Variants in UXS1 observed in about 807,000 individuals in gnomAD.
UXS1 encodes the protein UDP-glucuronate decarboxylase 1.
Under a neutral mutation model 62.6 loss-of-function variants are expected in UXS1, and 33 were observed. The ratio of observed to expected loss-of-function variants is 0.53; its 90% CI spans 0.40 to 0.70. The LOEUF is 0.70. Ranked by LOEUF, UXS1 falls within the 30% of genes least tolerant of loss-of-function variation. The pLI is 0.00. For missense variants in UXS1, 434 were observed against 556.3 expected, an observed-to-expected ratio of 0.78 and a Z score of 2.21; for synonymous variants, 213 against 206.8, an observed-to-expected ratio of 1.03 and a Z score of -0.26.
At chr2:106,163,578 G>T in intron 4 of UXS1, 89 bp downstream of exon 4, 2 of 848,752 alleles carry the variant, frequency 2.4e-6, no homozygotes, top group Non-Finnish European at 3.3e-6. Context: ...ATTTAGGTTG[G>T]CAGAGTTTGG....
At chr2:106,186,937 G>A (rs974736919) in intron 1 of UXS1, among the ~76,000 whole-genome samples, 20 of 152,074 alleles carry the variant, frequency 1.3e-4, no homozygotes, top group Admixed American at 7.2e-4. Flanking sequence ...TTTAGGGAGT[G>A]ATAATGGTAA....
At chr2:106,146,395 T>G (rs1681569645) in intron 5 of UXS1, among the ~76,000 whole-genome samples, 1 of 152,206 alleles carries the variant, frequency 6.6e-6, no homozygotes, top group Non-Finnish European at 1.5e-5. Flanking sequence ...AGGTCTATGG[T>G]TTTAAAACAT....
intron 12 of UXS1, among the ~76,000 whole-genome samples, chr2:106,099,194 A>C (rs2104833006): frequency 6.6e-6 from 1 of 152,336 alleles, no homozygotes; most frequent in South Asian, 2.1e-4. Flanking sequence ...AAGGACTTGT[A>C]ATCTCACACC....
At chr2:106,113,895 C>T (rs763573042) in intron 9 of UXS1, among the ~76,000 whole-genome samples, 34 of 152,228 alleles carry the variant, frequency 2.2e-4, no homozygotes, top group Non-Finnish European at 4.6e-4. Flanking sequence ...GACTGAAGCA[C>T]AGGCCCAGTG....
chr2:106,164,294 T>A (rs566701340), intron 3 of UXS1, among the ~76,000 whole-genome samples: 1 of 152,270 alleles, frequency 6.6e-6, no homozygotes, highest in Admixed American at 6.5e-5. Flanking sequence ...CTACATGTAT[T>A]TAAATAGGAG....
At chr2:106,148,598 A>G (rs1681769264) in intron 5 of UXS1, among the ~76,000 whole-genome samples, 1 of 152,234 alleles carries the variant, frequency 6.6e-6, no homozygotes, top group Non-Finnish European at 1.5e-5. Flanking sequence ...TAGCTTGACT[A>G]AAATGCACTG....
chr2:106,170,494 C>T (rs1348714497), intron 1 of UXS1, among the ~76,000 whole-genome samples: 1 of 152,238 alleles, frequency 6.6e-6, no homozygotes, highest in Non-Finnish European at 1.5e-5. Context: ...AGTAATTTTT[C>T]CCTTTTCTTA....
intron 9 of UXS1, among the ~76,000 whole-genome samples, chr2:106,113,703 C>A (rs779466250): frequency 6.6e-6 from 1 of 152,216 alleles, no homozygotes; most frequent in Non-Finnish European, 1.5e-5. Flanking sequence ...GCAGAACAAA[C>A]GTGCACTTTC....
intron 10 of UXS1, among the ~76,000 whole-genome samples, chr2:106,110,984 G>A (rs916804123): frequency 1.4e-4 from 21 of 152,184 alleles, no homozygotes. Flanking sequence ...GCAGGAGCAA[G>A]GGAGCAAGGA....
chr2:106,127,601 G>C (rs567858720), intron 7 of UXS1, among the ~76,000 whole-genome samples: 67 of 152,278 alleles, frequency 4.4e-4, no homozygotes, highest in African/African-American at 1.6e-3. Context: ...ATCAGAGAAA[G>C]AACTCTAGCA....
intron 14 of UXS1, among the ~76,000 whole-genome samples, chr2:106,095,357 T>C (rs185377569): frequency 2.2e-4 from 34 of 152,382 alleles, no homozygotes; most frequent in Admixed American, 1.4e-3. Context: ...GGTGTAATTG[T>C]ATTTTTATTT....
At chr2:106,188,497 G>A (rs1684717873) in intron 1 of UXS1, among the ~76,000 whole-genome samples, 1 of 152,242 alleles carries the variant, frequency 6.6e-6, no homozygotes, top group African/African-American at 2.4e-5. Flanking sequence ...GCAGAAGACA[G>A]GTGGCTCCAT....
chr2:106,154,006 A>G (rs989802335), intron 5 of UXS1, among the ~76,000 whole-genome samples: 3 of 152,236 alleles, frequency 2.0e-5, no homozygotes, highest in African/African-American at 7.2e-5. Flanking sequence ...ACTTGGACTG[A>G]AAGGGCTTAT....
At chr2:106,189,315 C>T (rs1684774415) in intron 1 of UXS1, among the ~76,000 whole-genome samples, 1 of 152,186 alleles carries the variant, frequency 6.6e-6, no homozygotes, top group Non-Finnish European at 1.5e-5. Context: ...TGTTAAACTA[C>T]AGCAATGAGC....
chr2:106,108,838 C>T (rs535085052), intron 10 of UXS1, among the ~76,000 whole-genome samples: 2 of 152,300 alleles, frequency 1.3e-5, no homozygotes, highest in South Asian at 4.1e-4. Flanking sequence ...CTTGGCCAAA[C>T]TTCGTTCAGC....
intron 6 of UXS1, 43 bp from the exon 7 acceptor site, chr2:106,129,821 C>G (rs912150604): frequency 7.7e-7 from 1 of 1,305,006 alleles, no homozygotes; most frequent in Non-Finnish European, 1.1e-6. Context: ...AAAAAAGCAC[C>G]AAAAAAATAC....
chr2:106,188,421 G>A (rs1241586023), intron 1 of UXS1, among the ~76,000 whole-genome samples: 2 of 152,246 alleles, frequency 1.3e-5, no homozygotes, highest in African/African-American at 4.8e-5. Flanking sequence ...AGGCAGCAGA[G>A]ACAGGAAGTC....
In UXS1 at chr2:106,155,279, AAT is replaced by A. The variant is rs1156497333; in HGVS notation, c.291+2777_291+2778del. ...GTCAAGAATCTTATATACGACCAAA[AAT>A]AAGATATCCCTAGATAAACAAAAAA... On this transcript the variant is annotated intron_variant, in intron 5 of 14. Transcript: ENST00000283148. 2.6e-5 allele frequency among the ~76,000 whole-genome samples: 4 copies of A among 152,338 alleles called. No individual in the cohort carries two copies. In the East Asian group the frequency reaches 7.7e-4, roughly 29 times the overall value.
rs143391871 is a variant in UXS1 at position 106,129,121 on chromosome 2, T to C, written c.577+553A>G. On this transcript the variant is annotated intron_variant, in intron 7 of 14. Transcript: ENST00000283148. ...ATACACATATGACCACCATTAACAATGCTCTCTCGTCCATCTTTTACTAAT... is the reference window on the plus strand; with the variant it reads ...ATACACATATGACCACCATTAACAACGCTCTCTCGTCCATCTTTTACTAAT... Among the ~76,000 whole-genome samples, 727 of 152,312 alleles carry C rather than the reference T, an allele frequency of 4.8e-3. 12 individuals are homozygous for C. The highest frequency in any genetic ancestry group is 0.031 in the Admixed American group (471 of 15,294).
Sources: allele counts gnomAD v4.1 joint callset (sites outside exome capture counted in the v4.1 genomes callset), GRCh38; gene constraint gnomAD v4.1.1; transcripts MANE v1.5; gene names NCBI Gene and HGNC (gene_info 2026-07-23, HGNC 2026-07-21).